The following NRXN3 variants were observed in gnomAD, a reference collection of about 807,000 sequenced individuals.
The protein encoded by NRXN3 is neurexin 3.
In NRXN3, 32 loss-of-function variants were observed where a neutral mutation model predicts 137.6. That is an observed-to-expected ratio of 0.23 (90% CI 0.18 to 0.31). NRXN3 has a LOEUF of 0.31. Ranked by LOEUF, NRXN3 falls within the 10% of genes least tolerant of loss-of-function variation. The pLI is 1.00. For synonymous variants in NRXN3, 798 were observed against 784.5 expected (o/e 1.02, Z -0.29); for missense variants, 1,574 against 2,062.5 (o/e 0.76, Z 4.59).
intron 19 of NRXN3, among the ~76,000 whole-genome samples, chr14:79,726,366 G>A (rs2098889281): frequency 6.6e-6 from 1 of 152,100 alleles, no homozygotes; most frequent in South Asian, 2.1e-4. Context: ...ATATTTGATT[G>A]TAGAACTGCT....
intron 15 of NRXN3, among the ~76,000 whole-genome samples, chr14:79,441,221 G>A (rs929863839): frequency 6.6e-6 from 1 of 152,006 alleles, no homozygotes; most frequent in Non-Finnish European, 1.5e-5. Flanking sequence ...CCATACTTGA[G>A]AAGGTAGCAA....
At chr14:78,231,555 T>C (rs542694584) in intron 1 of NRXN3, 10 of 152,190 alleles carry the variant, frequency 6.6e-5, no homozygotes, top group South Asian at 2.1e-4. Flanking sequence ...ATTCATGCAA[T>C]AAATAGGCTG....
chr14:78,363,452 T>C (rs796834392), intron 4 of NRXN3, among the ~76,000 whole-genome samples: 41 of 152,360 alleles, frequency 2.7e-4, no homozygotes, highest in African/African-American at 8.7e-4. Context: ...GTATAGCTGC[T>C]GTTTCATTAA....
At chr14:78,442,229 C>T (rs1456018446) in intron 4 of NRXN3, among the ~76,000 whole-genome samples, 5 of 150,326 alleles carry the variant, frequency 3.3e-5, no homozygotes, top group South Asian at 2.1e-4. Context: ...ATCATGCCAC[C>T]GTACTCCAGC....
chr14:78,484,650 TG>T (rs1179605857), intron 4 of NRXN3, among the ~76,000 whole-genome samples: 1 of 151,868 alleles, frequency 6.6e-6, no homozygotes, highest in African/African-American at 2.4e-5. Flanking sequence ...GACTGGGAGT[TG>T]GGGTTTGGGT....
At chr14:79,105,332 C>T (rs2052208085) in intron 15 of NRXN3, among the ~76,000 whole-genome samples, 1 of 152,148 alleles carries the variant, frequency 6.6e-6, no homozygotes, top group Non-Finnish European at 1.5e-5. Context: ...CGTGAATTGT[C>T]TACCTTTCCA....
chr14:79,279,297 G>T, intron 15 of NRXN3: 2 of 955,340 alleles, frequency 2.1e-6, no homozygotes, highest in Non-Finnish European at 1.2e-6. Context: ...TCGGCAGAGC[G>T]CTGGGGCTGC....
At chr14:78,978,318 T>G (rs1158002848) in intron 14 of NRXN3, among the ~76,000 whole-genome samples, 2 of 152,200 alleles carry the variant, frequency 1.3e-5, no homozygotes, top group African/African-American at 4.8e-5. Flanking sequence ...CAATGAGATT[T>G]TATAATAAGA....
chr14:79,618,660 C>T (rs2153893621), intron 16 of NRXN3, among the ~76,000 whole-genome samples: 1 of 152,170 alleles, frequency 6.6e-6, no homozygotes, highest in Non-Finnish European at 1.5e-5. Flanking sequence ...AGTGAACATA[C>T]AAGTGCATGT....
chr14:78,706,622 G>C (rs1341844795), intron 6 of NRXN3, among the ~76,000 whole-genome samples: 2 of 152,142 alleles, frequency 1.3e-5, no homozygotes, highest in African/African-American at 4.8e-5. Context: ...TGTAAAATAA[G>C]GCAATGATTA....
chr14:78,189,909 C>T (rs1254768520), intron 1 of NRXN3, among the ~76,000 whole-genome samples: 1 of 152,204 alleles, frequency 6.6e-6, no homozygotes, highest in Admixed American at 6.5e-5. Context: ...CTTTCCACAA[C>T]AGCACTTTCC....
intron 4 of NRXN3, among the ~76,000 whole-genome samples, chr14:78,578,639 G>C (rs2096960757): frequency 6.6e-6 from 1 of 152,206 alleles, no homozygotes; most frequent in African/African-American, 2.4e-5. Context: ...AGAAAACCTG[G>C]TTTGGAGAGT....
At chr14:79,314,499 C>G (rs1168762670) in intron 15 of NRXN3, among the ~76,000 whole-genome samples, 2 of 32,048 alleles carry the variant, frequency 6.2e-5, no homozygotes, top group African/African-American at 1.3e-4. Context: ...GGGGCGCCCG[C>G]CATTGCCCAG....
intron 11 of NRXN3, among the ~76,000 whole-genome samples, chr14:78,958,601 C>G (rs557679941): frequency 6.6e-6 from 1 of 152,098 alleles, no homozygotes; most frequent in Non-Finnish European, 1.5e-5. Flanking sequence ...CTGATCCACC[C>G]GCCTCGGCCT....
At chr14:79,781,771 G>A (rs771883552) in intron 19 of NRXN3, among the ~76,000 whole-genome samples, 7 of 152,166 alleles carry the variant, frequency 4.6e-5, no homozygotes, top group Admixed American at 1.3e-4. Flanking sequence ...AAAGCTAATA[G>A]TCAAGTGCTT....
intron 15 of NRXN3, among the ~76,000 whole-genome samples, chr14:79,381,102 T>C (rs2094457802): frequency 6.6e-6 from 1 of 152,082 alleles, no homozygotes; most frequent in African/African-American, 2.4e-5. Flanking sequence ...AAGGTTCTAT[T>C]AGGTGTTAAC....
rs1047052972 is a variant in NRXN3 at position 79,435,260 on chromosome 14, A to C, written c.3263-31961A>C. Among the ~76,000 whole-genome samples, 6 of 151,970 alleles carry C rather than the reference A, an allele frequency of 3.9e-5. 1 individual carries two copies. The highest frequency in any genetic ancestry group is 3.9e-4 in the Admixed American group (6 of 15,248). ...AGCAAGAATGTCAATCGACAGGTGA[A>C]TCAAAGTCAGGGCAAAAGAAAGGGA... is the stretch of plus-strand genomic sequence containing the variant. On this transcript the variant is annotated intron_variant, in intron 15 of 20. Transcript: ENST00000335750.
At chr14:79,587,413 T>C (rs2097771755) in intron 16 of NRXN3, among the ~76,000 whole-genome samples, 1 of 152,230 alleles carries the variant, frequency 6.6e-6, no homozygotes, top group Admixed American at 6.5e-5. Flanking sequence ...CTGCCATGAT[T>C]TGCCTCTGCT....
At chr14:78,418,998 C>T (rs907607684) in intron 4 of NRXN3, among the ~76,000 whole-genome samples, 4 of 152,184 alleles carry the variant, frequency 2.6e-5, no homozygotes, top group African/African-American at 9.7e-5. Context: ...ACAAGTGCAG[C>T]CAATGTTTAT....
Sources: allele counts gnomAD v4.1 joint callset (sites outside exome capture counted in the v4.1 genomes callset), GRCh38; gene constraint gnomAD v4.1.1; transcripts MANE v1.5; gene names NCBI Gene and HGNC (gene_info 2026-07-23, HGNC 2026-07-21).